Variants in BMPR1B observed in about 807,000 individuals in gnomAD.
BMPR1B encodes bone morphogenetic protein receptor type 1B.
A neutral mutation model predicts 59.1 loss-of-function variants in BMPR1B; 12 were observed. The ratio of observed to expected loss-of-function variants is 0.20; its 90% confidence interval spans 0.13 to 0.33. The LOEUF (loss-of-function observed/expected upper bound fraction) is 0.33. BMPR1B is among the 10% of genes least tolerant of loss of function. The pLI is 1.00. For missense variants in BMPR1B, 550 were observed against 610.9 expected, an observed-to-expected ratio of 0.90 and a Z score of 1.05; for synonymous variants, 237 against 207.3, an observed-to-expected ratio of 1.14 and a Z score of -1.23.
rs944166075 is a variant in BMPR1B, at chr4:94,760,145, G to A, written c.-183+2077G>A. On this transcript the variant is annotated intron_variant, in intron 1 of 12. Coordinates refer to ENST00000515059, the MANE Select transcript of BMPR1B (RefSeq NM_001203.3). ...TTAAATCAAAATGTTAGTTTTTGGT[G>A]AGTTAAAATCTTGATTTATGTCATG... is the stretch of plus-strand genomic sequence containing the variant. Among the ~76,000 whole-genome samples, 4 of 152,122 alleles carry A rather than the reference G, an allele frequency of 2.6e-5. No homozygotes were observed. In the East Asian group the frequency reaches 5.8e-4, roughly 22 times the overall value.
intron 3 of BMPR1B, among the ~76,000 whole-genome samples, chr4:95,061,242 A>G (rs1259333290): frequency 4.6e-5 from 7 of 151,702 alleles, no homozygotes; most frequent in Admixed American, 2.6e-4. Flanking sequence ...TACATAGGCA[A>G]TACCCCAGAA....
At chr4:94,928,283 G>A (rs1436003220) in intron 2 of BMPR1B, among the ~76,000 whole-genome samples, 1 of 150,920 alleles carries the variant, frequency 6.6e-6, no homozygotes, top group African/African-American at 2.4e-5. Flanking sequence ...CTGCTTCCAC[G>A]TCCCAAGTAG....
rs17023044 is a variant in BMPR1B at position 95,114,925 on chromosome 4, A to G, written c.246+103A>G. The G allele has an allele frequency of 0.011, 11,813 of 1,112,026 alleles. 828 individuals carry two copies. The African/African-American group carries it at 0.16, about 15-fold the overall frequency. 68.9% of individuals were successfully genotyped at this position (1,112,026 alleles called of 1,614,324 possible). ...TTTTCTTGGCCAGCCCATTTTTAGTATAGTCATGAGCTGCACAAAAACATT... is the reference window on the plus strand; with the variant it reads ...TTTTCTTGGCCAGCCCATTTTTAGTGTAGTCATGAGCTGCACAAAAACATT... On this transcript the variant is annotated intron_variant, in intron 5 of 12. Coordinates refer to ENST00000515059, the MANE Select transcript of BMPR1B (RefSeq NM_001203.3).
At chr4:95,113,637 A>G (rs772849445) in intron 4 of BMPR1B, among the ~76,000 whole-genome samples, 1 of 152,160 alleles carries the variant, frequency 6.6e-6, no homozygotes, top group Non-Finnish European at 1.5e-5. Context: ...CTGGTTTATG[A>G]CTTATATTGA....
At chr4:94,891,531 G>A (rs988960187) in intron 2 of BMPR1B, among the ~76,000 whole-genome samples, 5 of 152,050 alleles carry the variant, frequency 3.3e-5, no homozygotes, top group Non-Finnish European at 5.9e-5. Context: ...TGATCTTTTC[G>A]GTACTAGTGG....
intron 2 of BMPR1B, among the ~76,000 whole-genome samples, chr4:94,979,279 T>C (rs1731147319): frequency 6.6e-6 from 1 of 152,326 alleles, no homozygotes; most frequent in East Asian, 1.9e-4. Context: ...ATCCAGTCTT[T>C]ACAGGTCAAC....
intron 3 of BMPR1B, among the ~76,000 whole-genome samples, chr4:95,015,767 A>G (rs1168633847): frequency 1.3e-5 from 2 of 150,916 alleles, no homozygotes; most frequent in Middle Eastern, 3.2e-3. Flanking sequence ...GTCTCGGCTC[A>G]CTGCAACCTC....
chr4:94,827,229 CTGTCTT>C, intron 1 of BMPR1B, among the ~76,000 whole-genome samples: 1 of 152,074 alleles, frequency 6.6e-6, no homozygotes, highest in Non-Finnish European at 1.5e-5. Context: ...AGTAGTTCCT[CTGTCTT>C]TGACTTGAGA....
chr4:94,972,508 G>A (rs1157134304), intron 2 of BMPR1B, among the ~76,000 whole-genome samples: 2 of 151,636 alleles, frequency 1.3e-5, no homozygotes, highest in African/African-American at 4.8e-5. Flanking sequence ...TATTGTATGT[G>A]TTTCTGTAAT....
chr4:94,791,190 T>C (rs1003062780), intron 1 of BMPR1B, among the ~76,000 whole-genome samples: 3 of 152,168 alleles, frequency 2.0e-5, no homozygotes, highest in Non-Finnish European at 2.9e-5. Context: ...GGTTTCACCA[T>C]GTTGGCCAGG....
intron 3 of BMPR1B, among the ~76,000 whole-genome samples, chr4:95,054,749 TAA>T (rs761222087): frequency 3.3e-5 from 5 of 152,124 alleles, no homozygotes; most frequent in Non-Finnish European, 4.4e-5. Flanking sequence ...TAAATTCTGT[TAA>T]GAGAATTTAG....
At chr4:95,077,954 G>A (rs1175722264) in intron 3 of BMPR1B, among the ~76,000 whole-genome samples, 1 of 152,180 alleles carries the variant, frequency 6.6e-6, no homozygotes, top group Non-Finnish European at 1.5e-5. Context: ...ATGCATCTAT[G>A]TAGCACTTGG....
chr4:94,899,915 A>G (rs1340113523), intron 2 of BMPR1B, among the ~76,000 whole-genome samples: 9 of 151,972 alleles, frequency 5.9e-5, no homozygotes, highest in Admixed American at 5.9e-4. Context: ...TCAGGTATAT[A>G]TTTCTGACAA....
intron 2 of BMPR1B, among the ~76,000 whole-genome samples, chr4:94,987,257 T>C (rs1721480684): frequency 6.8e-6 from 1 of 146,006 alleles, no homozygotes; most frequent in Admixed American, 7.0e-5. Context: ...TAATATAAAA[T>C]ATATATTATA....
chr4:95,133,120 G>A (rs953594610), intron 10 of BMPR1B, among the ~76,000 whole-genome samples: 1 of 152,130 alleles, frequency 6.6e-6, no homozygotes, highest in Non-Finnish European at 1.5e-5. Context: ...GTTTGCTCAA[G>A]TGAATGAATT....
chr4:95,004,317 A>AT (rs1461365629), intron 3 of BMPR1B, among the ~76,000 whole-genome samples: 1 of 152,166 alleles, frequency 6.6e-6, no homozygotes, highest in Non-Finnish European at 1.5e-5. Context: ...TTGTTGATAC[A>AT]TTGGTATGTC....
At chr4:94,850,856 T>C (rs561712113) in intron 1 of BMPR1B, among the ~76,000 whole-genome samples, 1 of 152,310 alleles carries the variant, frequency 6.6e-6, no homozygotes, top group South Asian at 2.1e-4. Context: ...TCTTTTTGTT[T>C]CCTCTTGGAA....
intron 3 of BMPR1B, among the ~76,000 whole-genome samples, chr4:95,026,775 T>C (rs1031872536): frequency 6.9e-6 from 1 of 145,422 alleles, no homozygotes; most frequent in Non-Finnish European, 1.5e-5. Context: ...TCCATTCTTA[T>C]TTATTAGAGG....
chr4:94,975,209 G>A (rs1211074827), intron 2 of BMPR1B, among the ~76,000 whole-genome samples: 1 of 152,096 alleles, frequency 6.6e-6, no homozygotes, highest in East Asian at 1.9e-4. Flanking sequence ...TATTGATTGG[G>A]TGTCAAGGAG....
Sources: gnomAD v4.1 joint callset for allele counts (sites outside exome capture counted in the v4.1 genomes callset) on GRCh38, gnomAD v4.1.1 for gene constraint, MANE v1.5 for transcripts, NCBI Gene and HGNC (gene_info 2026-07-23, HGNC 2026-07-21) for gene names.